The following CNTN5 variants were observed in gnomAD, a reference collection of about 807,000 sequenced individuals.
The protein encoded by CNTN5 is contactin 5.
CNTN5 carries 77 observed loss-of-function variants against 129.1 expected under a neutral mutation model. That is an observed-to-expected ratio of 0.60 (90% confidence interval 0.50 to 0.72). The LOEUF (loss-of-function observed/expected upper bound fraction) is 0.72, where lower values mean the gene tolerates loss of function less well. Among genes scored for constraint, CNTN5 ranks in the 30% least tolerant of loss-of-function variants. The pLI is 0.00. For synonymous variants in CNTN5, 509 were observed against 465.6 expected (o/e 1.09, Z -1.20); for missense variants, 1,478 against 1,328.8 (o/e 1.11, Z -1.75).
intron 1 of CNTN5, among the ~76,000 whole-genome samples, chr11:99,214,384 T>C (rs902078780): frequency 2.2e-5 from 3 of 136,380 alleles, no homozygotes; most frequent in East Asian, 2.8e-4. Flanking sequence ...ATATATATTA[T>C]ATATGTATAT....
intron 3 of CNTN5, among the ~76,000 whole-genome samples, chr11:99,807,028 A>G (rs928156862): frequency 8.5e-5 from 13 of 152,106 alleles, no homozygotes; most frequent in Admixed American, 3.9e-4. Context: ...TCAGAACTCA[A>G]TAGGATAAAA....
chr11:99,861,032 T>C (rs1170501715), intron 6 of CNTN5, among the ~76,000 whole-genome samples: 3 of 140,030 alleles, frequency 2.1e-5, no homozygotes, highest in Non-Finnish European at 3.0e-5. Context: ...CTCATCTCAC[T>C]GCAAACTGCG....
At chr11:100,107,408 T>G (rs1178078413) in intron 13 of CNTN5, among the ~76,000 whole-genome samples, 1 of 151,934 alleles carries the variant, frequency 6.6e-6, no homozygotes, top group East Asian at 1.9e-4. Context: ...ATATTCTAAT[T>G]ATGACAATTC....
At chr11:99,376,795 A>T (rs1014909099) in intron 2 of CNTN5, among the ~76,000 whole-genome samples, 5 of 152,184 alleles carry the variant, frequency 3.3e-5, no homozygotes, top group Non-Finnish European at 7.4e-5. Flanking sequence ...GAATATGGTA[A>T]TTAATTCCTA....
intron 2 of CNTN5, among the ~76,000 whole-genome samples, chr11:99,466,578 T>A (rs1165544736): frequency 6.6e-6 from 1 of 152,194 alleles, no homozygotes; most frequent in Non-Finnish European, 1.5e-5. Context: ...TAGGCAAGGC[T>A]ACTGTGTAAT....
chr11:99,647,224 T>A (rs2135865976), intron 3 of CNTN5, among the ~76,000 whole-genome samples: 1 of 152,166 alleles, frequency 6.6e-6, no homozygotes, highest in South Asian at 2.1e-4. Context: ...TTCAATACAT[T>A]TGGTAAAGGG....
intron 7 of CNTN5, among the ~76,000 whole-genome samples, chr11:99,937,881 A>G (rs778771381): frequency 6.6e-6 from 1 of 152,200 alleles, no homozygotes; most frequent in Non-Finnish European, 1.5e-5. Flanking sequence ...AGGCATCAGT[A>G]AACTGTAGAA....
intron 2 of CNTN5, among the ~76,000 whole-genome samples, chr11:99,358,490 G>T (rs1156946548): frequency 6.6e-6 from 1 of 151,106 alleles, no homozygotes; most frequent in African/African-American, 2.4e-5. Flanking sequence ...GAACCTGGGA[G>T]GCGGAGGTTG....
At chr11:99,279,403 A>C (rs149803221) in intron 1 of CNTN5, among the ~76,000 whole-genome samples, 33 of 151,972 alleles carry the variant, frequency 2.2e-4, no homozygotes, top group African/African-American at 7.9e-4. Flanking sequence ...GCTGCACTGA[A>C]TTCTAAGACA....
At chr11:99,661,957 T>A (rs866971641) in intron 3 of CNTN5, among the ~76,000 whole-genome samples, 1 of 152,100 alleles carries the variant, frequency 6.6e-6, no homozygotes, top group African/African-American at 2.4e-5. Context: ...AGACAGACTA[T>A]CATGAGAGCA....
chr11:100,085,032 T>G (rs1022124142), intron 13 of CNTN5, among the ~76,000 whole-genome samples: 1 of 152,082 alleles, frequency 6.6e-6, no homozygotes, highest in Non-Finnish European at 1.5e-5. Context: ...GAAGCTTATA[T>G]ATCCTTTTCA....
intron 4 of CNTN5, among the ~76,000 whole-genome samples, chr11:99,820,556 C>A (rs902369486): frequency 6.6e-6 from 1 of 152,416 alleles, no homozygotes; most frequent in Admixed American, 6.5e-5. Context: ...TTGGATCCAT[C>A]GACAAAATAA....
At position 99,475,541 on chromosome 11, in the gene CNTN5, T is replaced by C. The variant is rs138555505; in HGVS notation, c.-70-80604T>C. On this transcript the variant is annotated intron_variant, in intron 2 of 24. Transcript: ENST00000524871. ...ATATAGCTTACACTGTATTATACTT[T>C]TGTCCTCTTTCTAAAATTATTTCCT... is the stretch of plus-strand genomic sequence containing the variant. Among the ~76,000 whole-genome samples the C allele has an allele frequency of 9.8e-3, 1,494 of 152,240 alleles. 25 individuals carry two copies. The highest frequency in any genetic ancestry group is 0.034 in the African/African-American group (1,397 of 41,554).
At chr11:100,132,767 C>T (rs181103406) in intron 13 of CNTN5, among the ~76,000 whole-genome samples, 8 of 152,108 alleles carry the variant, frequency 5.3e-5, no homozygotes, top group South Asian at 4.1e-4. Flanking sequence ...TATGAATGCA[C>T]CAAAGGTTCT....
chr11:99,308,968 C>T (rs1036752951), intron 1 of CNTN5, among the ~76,000 whole-genome samples: 1 of 151,996 alleles, frequency 6.6e-6, no homozygotes, highest in Admixed American at 6.6e-5. Flanking sequence ...TATTTTATTC[C>T]TTATACAAAA....
intron 1 of CNTN5, among the ~76,000 whole-genome samples, chr11:99,162,276 G>GTT (rs34253933): frequency 0.26 from 38,749 of 149,990 alleles, 5,368 homozygotes; most frequent in Middle Eastern, 0.33. Flanking sequence ...TCCTAGACAT[G>GTT]TTTTTTTTTT....
At chr11:99,498,617 G>A (rs1946316494) in intron 2 of CNTN5, among the ~76,000 whole-genome samples, 1 of 152,006 alleles carries the variant, frequency 6.6e-6, no homozygotes, top group South Asian at 2.1e-4. Flanking sequence ...AATAAGTTTG[G>A]TTTCCTGCCA....
chr11:100,136,800 A>AAAG (rs1946541029), intron 13 of CNTN5, among the ~76,000 whole-genome samples: 2 of 148,580 alleles, frequency 1.3e-5, no homozygotes, highest in African/African-American at 2.5e-5. Flanking sequence ...AAAAAAAAAA[A>AAAG]TAAAGTAACA....
At chr11:99,794,779 G>T (rs1020675804) in intron 3 of CNTN5, among the ~76,000 whole-genome samples, 2 of 152,122 alleles carry the variant, frequency 1.3e-5, no homozygotes, top group Admixed American at 1.3e-4. Flanking sequence ...TATGGTTTCT[G>T]TGGAAAGGCC....
Sources: allele counts gnomAD v4.1 joint callset (sites outside exome capture counted in the v4.1 genomes callset), GRCh38; gene constraint gnomAD v4.1.1; transcripts MANE v1.5; gene names NCBI Gene and HGNC (gene_info 2026-07-23, HGNC 2026-07-21).